Variants in ADGRF5 observed in about 807,000 individuals in gnomAD.
ADGRF5 encodes the protein adhesion G protein-coupled receptor F5, also known as G-protein coupled receptor 116.
In ADGRF5, 75 loss-of-function variants were observed where a neutral mutation model predicts 132.3. The ratio of observed to expected loss-of-function variants is 0.57; its 90% CI spans 0.47 to 0.69. The LOEUF (loss-of-function observed/expected upper bound fraction) is 0.69. Ranked by LOEUF, ADGRF5 falls within the 30% of genes least tolerant of loss-of-function variation. ADGRF5 has a pLI of 0.00. For synonymous variants in ADGRF5, 629 were observed against 597.6 expected, an observed-to-expected ratio of 1.05 and a Z score of -0.77; for missense variants, 1,516 against 1,630.6, an observed-to-expected ratio of 0.93 and a Z score of 1.21.
intron 1 of ADGRF5, among the ~76,000 whole-genome samples, chr6:46,915,570 CT>C (rs1236041532): frequency 6.6e-6 from 1 of 152,138 alleles, no homozygotes; most frequent in Non-Finnish European, 1.5e-5. Context: ...CACTTCCTCC[CT>C]TTATGGCCCC....
intron 1 of ADGRF5, among the ~76,000 whole-genome samples, chr6:46,910,122 A>G (rs933999521): frequency 6.6e-6 from 1 of 152,222 alleles, no homozygotes; most frequent in Non-Finnish European, 1.5e-5. Flanking sequence ...CTAGGCCTAG[A>G]AAGAGCTGAG....
At chr6:46,898,849 T>C (rs554038983) in intron 3 of ADGRF5, among the ~76,000 whole-genome samples, 1 of 152,146 alleles carries the variant, frequency 6.6e-6, no homozygotes, top group Admixed American at 6.5e-5. Flanking sequence ...TTCTAGATAG[T>C]TGGTACAGAC....
Position 46,871,986 on chromosome 6 carries a change from C to A in ADGRF5, c.1268G>T (p.Ser423Ile). 6.2e-7 allele frequency: 1 copy of A among 1,610,108 alleles called. No individual in the cohort carries two copies. The highest frequency in any genetic ancestry group is 8.5e-7 in the Non-Finnish European group (1 of 1,177,226). The part of the protein sequence containing the change: ...PGTPETDIDS[S>I]CSRYTLKADG... ...AGCCTTGAGGGTGTATCTGCTGCAG[C>A]TAGAATCTATGTCTGTCTCAGGGGT... The change falls in exon 11 of 21, where the codon AGC becomes ATC. Residue 423 changes from serine to isoleucine, a missense_variant. Around this residue, in one of 2 missense-constraint regions of ADGRF5, gnomAD observed 945 missense variants for 929.4 expected, o/e 1.02. Coordinates refer to ENST00000283296, the MANE Select transcript of ADGRF5 (RefSeq NM_001098518.2).
At chr6:46,868,229 T>C (rs1489243036) in intron 12 of ADGRF5, among the ~76,000 whole-genome samples, 1 of 152,340 alleles carries the variant, frequency 6.6e-6, no homozygotes, top group Non-Finnish European at 1.5e-5. Flanking sequence ...GCCAGATGTA[T>C]AACCTTGGGT....
chr6:46,895,173 T>C (rs547815465), intron 3 of ADGRF5, among the ~76,000 whole-genome samples: 61 of 151,710 alleles, frequency 4.0e-4, no homozygotes, highest in African/African-American at 1.3e-3. Context: ...TGAGACTCTG[T>C]CTCAAAAAAA....
At chr6:46,884,925 A>C (rs935779050) in intron 4 of ADGRF5, among the ~76,000 whole-genome samples, 2 of 152,148 alleles carry the variant, frequency 1.3e-5, no homozygotes, top group African/African-American at 4.8e-5. Context: ...TTTACAGGCC[A>C]GGCACAGTGG....
At chr6:46,868,154 T>C (rs1770654537) in intron 12 of ADGRF5, among the ~76,000 whole-genome samples, 1 of 152,042 alleles carries the variant, frequency 6.6e-6, no homozygotes, top group South Asian at 2.1e-4. Flanking sequence ...GGCTTTAGAG[T>C]GGGGTGGCTA....
intron 1 of ADGRF5, among the ~76,000 whole-genome samples, chr6:46,910,164 A>G (rs905392498): frequency 3.9e-5 from 6 of 152,206 alleles, no homozygotes; most frequent in African/African-American, 1.4e-4. Context: ...CTAGGAGCTG[A>G]GTTCGTCAGA....
chr6:46,920,291 T>C (rs1446900489), intron 1 of ADGRF5, among the ~76,000 whole-genome samples: 1 of 152,148 alleles, frequency 6.6e-6, no homozygotes, highest in Admixed American at 6.5e-5. Flanking sequence ...CACAAAATAG[T>C]AATGGTAAAA....
rs533683988 is a variant in ADGRF5 at position 46,852,745 on chromosome 6, G to C, written c.*1247C>G. 156 of 152,266 alleles carry C rather than the reference G, an allele frequency of 1.0e-3. 1 individual carries two copies. The highest frequency in any genetic ancestry group is 3.6e-3 in the African/African-American group (150 of 41,538). 9.4% of individuals were successfully genotyped at this position (152,266 alleles called of 1,614,324 possible). A position where few individuals can be genotyped will look rare whatever the true frequency, so the allele number is the denominator to read the frequency against. ...CATTAGGAGCACAGAACAACCGAAT[G>C]TAAAATTTCTTTCCAGGAGCTTTCC... On this transcript the variant is annotated 3_prime_UTR_variant, in exon 21 of 21. Coordinates refer to ENST00000283296, the MANE Select transcript of ADGRF5 (RefSeq NM_001098518.2).
At position 46,883,637 on chromosome 6, in the gene ADGRF5, T is replaced by C. The variant is rs767085691; in HGVS notation, c.534A>G (p.Leu178=). The part of the protein sequence containing the change: ...EDVTLNMRVR[L]NVGFQEDLMN... Reference sequence around the variant, plus strand: ...TGAGGTCTTCTTGAAAGCCTACATTTAGTCTGACTCTCATGTTCAGGGTAA... The same window carrying C: ...TGAGGTCTTCTTGAAAGCCTACATTCAGTCTGACTCTCATGTTCAGGGTAA... Residue 178 remains leucine (L), a synonymous_variant, in exon 6 of 21, where the codon CTA becomes CTG. Coordinates refer to ENST00000283296, the MANE Select transcript of ADGRF5 (RefSeq NM_001098518.2). 2.5e-6 allele frequency: 4 copies of C among 1,599,874 alleles called. No individual in the cohort carries two copies. The highest frequency in any genetic ancestry group is 1.7e-4 in the Middle Eastern group (1 of 6,014).
At chr6:46,933,115 G>A (rs2150936966) in intron 1 of ADGRF5, among the ~76,000 whole-genome samples, 1 of 152,290 alleles carries the variant, frequency 6.6e-6, no homozygotes, top group South Asian at 2.1e-4. Context: ...TTGGGGAGAA[G>A]GAAGAATGTG....
At chr6:46,925,957 A>G (rs1404514658), upstream of ADGRF5, among the ~76,000 whole-genome samples, 1 of 152,150 alleles carries the variant, frequency 6.6e-6, no homozygotes, top group African/African-American at 2.4e-5. Flanking sequence ...GACGTTGGTA[A>G]CCCTTTTGAC....
At chr6:46,953,253 A>G (rs4714964) in intron 1 of ADGRF5, among the ~76,000 whole-genome samples, 121,932 of 152,002 alleles carry the variant, frequency 0.8, 49,222 homozygotes, top group African/African-American at 0.87. Flanking sequence ...GATCACTCCC[A>G]ACTGATGCCT....
chr6:46,862,859 G>A, intron 15 of ADGRF5, 29 bp downstream of exon 15: 1 of 1,461,326 alleles, frequency 6.8e-7, no homozygotes, highest in Non-Finnish European at 9.6e-7. Flanking sequence ...GCCCCACCAA[G>A]AGCTCAGAGT....
chr6:46,861,426 T>G (rs945068927), intron 15 of ADGRF5, among the ~76,000 whole-genome samples: 11 of 152,240 alleles, frequency 7.2e-5, no homozygotes, highest in African/African-American at 2.7e-4. Flanking sequence ...TGATTACACT[T>G]CTGCTTTCTA....
Position 46,883,622 on chromosome 6 carries a change from T to C in ADGRF5, c.549A>G (p.Gln183=). 6 of 1,605,016 alleles carry C rather than the reference T, an allele frequency of 3.7e-6. No individual in the cohort carries two copies. Among genetic ancestry groups the C allele is most frequent in the Non-Finnish European group, 5.1e-6 (6 of 1,176,798 alleles). Residue 183 remains glutamine (Q), a synonymous_variant, in exon 6 of 21, where the codon CAA becomes CAG. Transcript: ENST00000283296. ...CGGAGGAAGTGTTCATGAGGTCTTCTTGAAAGCCTACATTTAGTCTGACTC... is the reference window on the plus strand; with the variant it reads ...CGGAGGAAGTGTTCATGAGGTCTTCCTGAAAGCCTACATTTAGTCTGACTC... The part of the protein sequence containing the change: ...NMRVRLNVGF[Q]EDLMNTSSAL...
Position 46,882,074 on chromosome 6 carries a change from T to G in ADGRF5, c.646A>C (p.Lys216Gln). The change falls in exon 7 of 21, where the codon AAG becomes CAG. Residue 216 changes from lysine (K) to glutamine (Q), a missense_variant. Physicochemically the swap from Lys to Gln is moderately conservative, Grantham distance 53. Coordinates refer to ENST00000283296, the MANE Select transcript of ADGRF5 (RefSeq NM_001098518.2). ...RKGYGILPGF[K>Q]GVTVTGFKSG... ...TTGAACCCTGTCACAGTCACGCCCT[T>G]GAAGCCTGGTAAAATTCCGTAACCC... 6.2e-7 allele frequency: 1 copy of G among 1,611,770 alleles called. No homozygotes were observed. The highest frequency in any genetic ancestry group is 8.5e-7 in the Non-Finnish European group (1 of 1,177,872).
rs1471907508 is a variant in ADGRF5 at position 46,858,620 on chromosome 6, A to T, written c.3283T>A (p.Phe1095Ile). Residue 1095 changes from phenylalanine (F) to isoleucine (I), a missense_variant, in exon 17 of 21, where the codon TTC (phenylalanine) becomes ATC (isoleucine). Coordinates refer to ENST00000283296, the MANE Select transcript of ADGRF5 (RefSeq NM_001098518.2). ...ACVAATFFIH[F>I]FYLSVFFWML... Reference sequence around the variant, plus strand: ...CAGAAGAAGACGCTGAGGTAGAAGAAGTGGATGAAGAAGGTGGCAGCCACA... The same window carrying T: ...CAGAAGAAGACGCTGAGGTAGAAGATGTGGATGAAGAAGGTGGCAGCCACA... 2 of 1,614,170 alleles carry T rather than the reference A, an allele frequency of 1.2e-6. No individual in the cohort carries two copies. Among genetic ancestry groups the T allele is most frequent in the Non-Finnish European group, 1.7e-6 (2 of 1,180,032 alleles).
Sources: allele counts gnomAD v4.1 joint callset (sites outside exome capture counted in the v4.1 genomes callset), GRCh38; gene constraint gnomAD v4.1.1; regional missense constraint gnomAD v4.1.1; transcripts MANE v1.5; gene names NCBI Gene and HGNC (gene_info 2026-07-23, HGNC 2026-07-21).